Variants in DHDH observed in about 807,000 individuals in gnomAD.
DHDH encodes the protein dihydrodiol dehydrogenase.
In DHDH, 29 loss-of-function variants were observed where a neutral mutation model predicts 33.2. The ratio of observed to expected loss-of-function variants is 0.87; its 90% CI spans 0.65 to 1.19. DHDH has a LOEUF of 1.19. Ranked by LOEUF, DHDH falls within the 50% of genes most tolerant of loss-of-function variation. The pLI is 0.00. For synonymous variants in DHDH, 201 were observed against 187.9 expected (o/e 1.07, Z -0.57); for missense variants, 431 against 455.0 (o/e 0.95, Z 0.48).
chr19:48,939,568 C>T lies in DHDH; in HGVS notation c.486C>T (p.Pro162=). ...TTGGGAAGAATCTCATCCACGTTCC[C>T]CGGGCCGTAGACCGGGCCCAGGCTG... ...AEFGKNLIHV[P]RAVDRAQAGG... is the part of the protein sequence containing the mutation. The change falls in exon 4 of 7, where the codon CCC becomes CCT. Residue 162 remains proline (P), a synonymous_variant. Coordinates refer to ENST00000221403, the MANE Select transcript of DHDH (RefSeq NM_014475.4). 1 of 1,612,586 alleles carries T rather than the reference C, an allele frequency of 6.2e-7. No homozygotes were observed. The highest frequency in any genetic ancestry group is 1.3e-5 in the African/African-American group (1 of 74,912).
intron 3 of DHDH, among the ~76,000 whole-genome samples, chr19:48,937,639 C>T (rs11881175): frequency 0.34 from 51,845 of 151,352 alleles, 12,057 homozygotes; most frequent in African/African-American, 0.65. Context: ...AGTGAAACCC[C>T]GCCTCTACTA....
chr19:48,934,494 G>A (rs576312969), intron 1 of DHDH, among the ~76,000 whole-genome samples: 1 of 152,060 alleles, frequency 6.6e-6, no homozygotes, highest in Admixed American at 6.5e-5. Context: ...GACTGTCTCA[G>A]TGTAAAGCGG....
At chr19:48,936,588 T>G (rs55733933) in intron 3 of DHDH, among the ~76,000 whole-genome samples, 2 of 149,990 alleles carry the variant, frequency 1.3e-5, no homozygotes, top group African/African-American at 4.9e-5. Flanking sequence ...CCCAGCTACT[T>G]GGGAGGCTGA....
At chr19:48,944,716 C>A in intron 6 of DHDH, 108 bp from the exon 7 acceptor site, 1 of 1,205,248 alleles carries the variant, frequency 8.3e-7, no homozygotes, top group Non-Finnish European at 1.2e-6. Context: ...CTGCAGCATC[C>A]ATCTGCCTGA....
In DHDH at chr19:48,936,710, A is replaced by C. The variant is rs1282608140; in HGVS notation, c.366+515A>C. 4.4e-5 allele frequency among the ~76,000 whole-genome samples: 6 copies of C among 137,300 alleles called. No individual in the cohort carries two copies. The Admixed American group carries it at 4.7e-4, about 11-fold the overall frequency. The allele number at this position is 137,300 out of a possible 152,430, so 90.1% of individuals were successfully genotyped here. On this transcript the variant is annotated intron_variant, in intron 3 of 6. Transcript: ENST00000221403. ...GACTCCGTCTCAAACAAGAAAAAAA[A>C]CAAACAAAAAAAAAAACAAGAAAAA...
At position 48,940,414 on chromosome 19, in the gene DHDH, C is replaced by G. The variant is rs34420660; in HGVS notation, c.619+713C>G. On this transcript the variant is annotated intron_variant, in intron 4 of 6. Transcript: ENST00000221403. ...GGCCCTTGCCTTGGCTTCCACTCAG[C>G]TGGAAAGTATCCAAGAGTGCCTGAG... is the stretch of plus-strand genomic sequence containing the variant. Among the ~76,000 whole-genome samples, 894 of 151,544 alleles carry G rather than the reference C, an allele frequency of 5.9e-3. 6 individuals are homozygous for G. The highest frequency in any genetic ancestry group is 0.02 in the African/African-American group (833 of 41,076).
chr19:48,944,754 C>A, intron 6 of DHDH, 70 bp from the exon 7 acceptor site: 1 of 1,404,792 alleles, frequency 7.1e-7, no homozygotes, highest in Admixed American at 1.7e-5. Context: ...ACATGGAATT[C>A]TGGGAATTGT....
Position 48,939,611 on chromosome 19 carries a change from A to G in DHDH, c.529A>G (p.Ile177Val), listed in dbSNP as rs753494372. ...RAQAGGALLD[I>V]GIYCVQFTSM... ...CCAGGCTGGGGGGGCCCTGCTGGAC[A>G]TCGGCATCTACTGTGTCCAGTTCAC... The change falls in exon 4 of 7, where the codon ATC becomes GTC. Residue 177 changes from isoleucine (I) to valine (V), a missense_variant. Transcript: ENST00000221403. The G allele has an allele frequency of 6.9e-5, 112 of 1,614,032 alleles. No individual in the cohort carries two copies. Among genetic ancestry groups the G allele is most frequent in the Middle Eastern group, 6.6e-4 (4 of 6,084 alleles).
intron 3 of DHDH, among the ~76,000 whole-genome samples, chr19:48,937,954 T>C (rs567017759): frequency 3.3e-5 from 5 of 152,140 alleles, no homozygotes; most frequent in Non-Finnish European, 7.4e-5. Flanking sequence ...TGTCACCTCC[T>C]CAGGGTGTCA....
chr19:48,937,370 G>A (rs982076759), intron 3 of DHDH, among the ~76,000 whole-genome samples: 1 of 152,130 alleles, frequency 6.6e-6, no homozygotes, highest in Admixed American at 6.6e-5. Flanking sequence ...TCTTGCGTCA[G>A]CATTTTTAGA....
chr19:48,933,699 G>T lies in DHDH; in HGVS notation c.-23G>T. ...ATTCGCGCCTGGAGGGACCGAAGGTGCCGAGGGCTCCGCATCGCAACCATG... is the reference window on the plus strand; with the variant it reads ...ATTCGCGCCTGGAGGGACCGAAGGTTCCGAGGGCTCCGCATCGCAACCATG... On this transcript the variant is annotated 5_prime_UTR_variant, in exon 1 of 7. Coordinates refer to ENST00000221403, the MANE Select transcript of DHDH (RefSeq NM_014475.4). 6.2e-7 allele frequency: 1 copy of T among 1,612,418 alleles called. No individual in the cohort carries two copies. Among genetic ancestry groups the T allele is most frequent in the Non-Finnish European group, 8.5e-7 (1 of 1,179,482 alleles).
chr19:48,944,710 A>C, intron 6 of DHDH, 114 bp from the exon 7 acceptor site: 1 of 1,189,388 alleles, frequency 8.4e-7, no homozygotes, highest in Non-Finnish European at 1.2e-6. Context: ...GAACCCCTGC[A>C]GCATCCATCT....
Position 48,939,753 on chromosome 19 carries a change from T to C in DHDH, c.619+52T>C, listed in dbSNP as rs372087006. Reference sequence around the variant, plus strand: ...GGTGATGGGAATGATTCTGTCTCTCTGGGAGCACTGAACTGAGGACAAGTC... The same window carrying C: ...GGTGATGGGAATGATTCTGTCTCTCCGGGAGCACTGAACTGAGGACAAGTC... On this transcript the variant is annotated intron_variant, in intron 4 of 6. Transcript: ENST00000221403. 25 of 1,532,900 alleles carry C rather than the reference T, an allele frequency of 1.6e-5. No homozygotes were observed. The African/African-American group carries it at 1.6e-4, about 10-fold the overall frequency. The allele number at this position is 1,532,900 out of a possible 1,614,324, so 95.0% of individuals were successfully genotyped here.
At chr19:48,941,142 G>A (rs1195377364) in intron 4 of DHDH, among the ~76,000 whole-genome samples, 2 of 152,148 alleles carry the variant, frequency 1.3e-5, no homozygotes, top group African/African-American at 4.8e-5. Flanking sequence ...CTGTTCAGCT[G>A]GGACTGGACA....
At position 48,934,649 on chromosome 19, in the gene DHDH, C is replaced by T. The variant is rs11878869; in HGVS notation, c.91-351C>T. Among the ~76,000 whole-genome samples the T allele has an allele frequency of 6.4e-3, 971 of 152,296 alleles. 7 individuals carry two copies. Among genetic ancestry groups the T allele is most frequent in the African/African-American group, 0.022 (911 of 41,542 alleles). On this transcript the variant is annotated intron_variant, in intron 1 of 6. Coordinates refer to ENST00000221403, the MANE Select transcript of DHDH (RefSeq NM_014475.4). ...GAAACATAAATCTAGCCTACGTGCA[C>T]ATCCGGTCACAGCACCTTTCCTTGA...
upstream of DHDH, chr19:48,933,587 G>T: frequency 3.9e-6 from 3 of 771,766 alleles, no homozygotes; most frequent in Admixed American, 2.1e-5. Flanking sequence ...CCGCTCTGCC[G>T]ACTGGAGCCA....
Position 48,933,761 on chromosome 19 carries a change from T to G in DHDH, c.40T>G (p.Ser14Ala). 6.2e-7 allele frequency: 1 copy of G among 1,613,204 alleles called. No homozygotes were observed. Among genetic ancestry groups the G allele is most frequent in the Non-Finnish European group, 8.5e-7 (1 of 1,180,030 alleles). ...GGGCATCGTGTCTGTCGGCCTCATC[T>G]CCAGCGACTTCACAGCCGTGCTGCA... ...RWGIVSVGLI[S>A]SDFTAVLQTL... The change falls in exon 1 of 7, where the codon TCC becomes GCC. Residue 14 changes from serine to alanine, a missense_variant. Transcript: ENST00000221403.
intron 3 of DHDH, among the ~76,000 whole-genome samples, chr19:48,937,335 G>A (rs2037792572): frequency 6.6e-6 from 1 of 152,078 alleles, no homozygotes; most frequent in African/African-American, 2.4e-5. Flanking sequence ...GTCCTGCCCC[G>A]CCCTTCCCCC....
Position 48,935,954 on chromosome 19 carries a change from G to A in DHDH, c.203-78G>A, listed in dbSNP as rs1338782795. On this transcript the variant is annotated intron_variant, in intron 2 of 6. Coordinates refer to ENST00000221403, the MANE Select transcript of DHDH (RefSeq NM_014475.4). ...CCACCTGGTCCCTGGGTGCTAGGGC[G>A]GGGCCTCGAAGTTGTGGGCGGAGCT... 1.3e-5 allele frequency: 20 copies of A among 1,534,122 alleles called. 1 individual carries two copies. Among genetic ancestry groups the A allele is most frequent in the Admixed American group, 2.0e-5 (1 of 50,416 alleles).
Sources: gnomAD v4.1 joint callset for allele counts (sites outside exome capture counted in the v4.1 genomes callset) on GRCh38, gnomAD v4.1.1 for gene constraint, MANE v1.5 for transcripts, NCBI Gene and HGNC (gene_info 2026-07-23, HGNC 2026-07-21) for gene names.